The following DOCK8 variants were observed in gnomAD, a reference collection of about 807,000 sequenced individuals.
The protein encoded by DOCK8 is dedicator of cytokinesis 8.
DOCK8 carries 141 observed loss-of-function variants against 245.6 expected under a neutral mutation model. The ratio of observed to expected loss-of-function variants is 0.57; its 90% CI spans 0.50 to 0.66. The LOEUF is 0.66. Among genes scored for constraint, DOCK8 ranks in the 30% least tolerant of loss-of-function variants. The pLI is 0.00. For synonymous variants in DOCK8, 1,168 were observed against 970.2 expected, an observed-to-expected ratio of 1.20 and a Z score of -3.79; for missense variants, 2,965 against 2,603.4, an observed-to-expected ratio of 1.14 and a Z score of -3.02.
rs2053286759 is a variant in DOCK8 at position 371,571 on chromosome 9, G to A, written c.2007+5G>A. The A allele has an allele frequency of 6.2e-7, 1 of 1,614,202 alleles. No individual in the cohort carries two copies. The highest frequency in any genetic ancestry group is 8.5e-7 in the Non-Finnish European group (1 of 1,180,018). On this transcript the variant is annotated splice_donor_5th_base_variant and intron_variant, in intron 17 of 47. Coordinates refer to ENST00000432829, the MANE Select transcript of DOCK8 (RefSeq NM_203447.4). ...GAAACTCTCCTGGGATATTCAGTGAGTTGTTTCCAGCCTGCTGACTCACAC... is the reference window on the plus strand; with the variant it reads ...GAAACTCTCCTGGGATATTCAGTGAATTGTTTCCAGCCTGCTGACTCACAC...
intron 4 of DOCK8, among the ~76,000 whole-genome samples, chr9:298,388 G>T (rs1268998787): frequency 6.6e-6 from 1 of 152,174 alleles, no homozygotes; most frequent in African/African-American, 2.4e-5. Context: ...TCATGCCGCT[G>T]TACTCCAGCC....
At chr9:211,462 A>G (rs925279162), upstream of DOCK8, among the ~76,000 whole-genome samples, 10 of 152,168 alleles carry the variant, frequency 6.6e-5, no homozygotes, top group Non-Finnish European at 1.3e-4. Context: ...AACTTCATCT[A>G]GTGATAGAAA....
intron 1 of DOCK8, chr9:220,767 C>G: frequency 2.6e-6 from 1 of 381,292 alleles, no homozygotes; most frequent in Non-Finnish European, 5.0e-6. Flanking sequence ...GTCGCCCAGG[C>G]TGGAGTACAG....
In DOCK8 at chr9:396,852, C is replaced by G. The variant is rs573522346; in HGVS notation, c.3038C>G (p.Ser1013Cys). 1.2e-6 allele frequency: 2 copies of G among 1,614,142 alleles called. No homozygotes were observed. The highest frequency in any genetic ancestry group is 2.7e-5 in the African/African-American group (2 of 75,040). Residue 1013 changes from serine (S) to cysteine (C), a missense_variant, in exon 25 of 48, where the codon TCT (serine) becomes TGT (cysteine). Ser to Cys is a moderately radical substitution (Grantham distance 112, BLOSUM62 -1). This residue lies in a region of DOCK8 where 2,825 missense variants were observed against 2,453.5 expected (regional missense o/e 1.15). Coordinates refer to ENST00000432829, the MANE Select transcript of DOCK8 (RefSeq NM_203447.4). ...KRDSFRRTRF[S>C]DRFMDDITTI... is the part of the protein sequence containing the mutation. ...GACAGTTTTCGGAGGACTCGTTTTT[C>G]TGACCGTTTCATGGATGACATAACT... is the stretch of plus-strand genomic sequence containing the variant.
At chr9:364,732 A>G (rs932715299) in intron 14 of DOCK8, among the ~76,000 whole-genome samples, 13 of 152,150 alleles carry the variant, frequency 8.5e-5, no homozygotes, top group African/African-American at 2.9e-4. Flanking sequence ...CCTTGGAGCA[A>G]TGATATAGTG....
intron 28 of DOCK8, among the ~76,000 whole-genome samples, chr9:409,330 C>T (rs1361880662): frequency 1.3e-5 from 2 of 152,178 alleles, no homozygotes; most frequent in Non-Finnish European, 2.9e-5. Context: ...AATTGTCTAT[C>T]ATCTTTGTGT....
intron 36 of DOCK8, among the ~76,000 whole-genome samples, chr9:431,098 A>C (rs1284170317): frequency 1.3e-5 from 2 of 151,896 alleles, no homozygotes; most frequent in Non-Finnish European, 2.9e-5. Context: ...GGTCTAGAAC[A>C]CCTGAGCTCA....
chr9:326,261 A>G (rs2050763959), intron 8 of DOCK8, among the ~76,000 whole-genome samples: 1 of 152,204 alleles, frequency 6.6e-6, no homozygotes, highest in African/African-American at 2.4e-5. Flanking sequence ...AGCAATAGCA[A>G]ATCCAGAGTA....
chr9:313,822 C>A (rs1055928345), intron 6 of DOCK8, among the ~76,000 whole-genome samples: 1 of 152,196 alleles, frequency 6.6e-6, no homozygotes, highest in African/African-American at 2.4e-5. Flanking sequence ...TTGATTTAAT[C>A]TTTCTACAAT....
intron 1 of DOCK8, among the ~76,000 whole-genome samples, chr9:244,608 A>G (rs13296492): frequency 0.044 from 6,696 of 152,278 alleles, 172 homozygotes; most frequent in South Asian, 0.079. Context: ...GAATTTTTAG[A>G]TCCCATACAA....
chr9:238,324 A>G (rs1312977058), intron 1 of DOCK8, among the ~76,000 whole-genome samples: 1 of 152,244 alleles, frequency 6.6e-6, no homozygotes, highest in Non-Finnish European at 1.5e-5. Context: ...CACAAATCAA[A>G]GAGTGCTAAA....
At chr9:240,633 A>T (rs1014097680) in intron 1 of DOCK8, among the ~76,000 whole-genome samples, 2 of 152,150 alleles carry the variant, frequency 1.3e-5, no homozygotes, top group Admixed American at 1.3e-4. Context: ...TAAGTCTGAT[A>T]TTTAATTCTC....
chr9:441,522 C>G (rs1379699066), intron 41 of DOCK8, 105 bp downstream of exon 41: 26 of 1,550,280 alleles, frequency 1.7e-5, no homozygotes, highest in Non-Finnish European at 1.9e-5. Context: ...TTATCTTTAG[C>G]ACATTGCTTT....
chr9:341,457 A>C (rs1248607840), intron 14 of DOCK8, among the ~76,000 whole-genome samples: 1 of 152,216 alleles, frequency 6.6e-6, no homozygotes, highest in Non-Finnish European at 1.5e-5. Context: ...ACCATCCAGA[A>C]ATGACATTGT....
chr9:463,784 C>T, intron 47 of DOCK8, 97 bp downstream of exon 47: 1 of 1,440,428 alleles, frequency 6.9e-7, no homozygotes. Context: ...TGGGGAGCTG[C>T]AGAACCTCGA....
At chr9:405,412 A>AGTAAATAAGTTTTGGAAACCAT (rs1467790754) in intron 27 of DOCK8, among the ~76,000 whole-genome samples, 1 of 152,218 alleles carries the variant, frequency 6.6e-6, no homozygotes, top group Non-Finnish European at 1.5e-5. Flanking sequence ...AGGATTCCAA[A>AGTAAATAAGTTTTGGAAACCAT]GTAAATAAGT....
intron 8 of DOCK8, among the ~76,000 whole-genome samples, chr9:326,845 T>A (rs1210431566): frequency 6.6e-6 from 1 of 152,220 alleles, no homozygotes; most frequent in Admixed American, 6.5e-5. Flanking sequence ...TGGAGAGAAT[T>A]GAGTCACATG....
intron 20 of DOCK8, among the ~76,000 whole-genome samples, chr9:379,111 C>T (rs1459918641): frequency 6.6e-6 from 1 of 152,116 alleles, no homozygotes; most frequent in South Asian, 2.1e-4. Context: ...TGGGACAATA[C>T]AATGACTGCC....
intron 15 of DOCK8, chr9:369,445 A>G (rs1036184825): frequency 3.3e-5 from 5 of 152,316 alleles, no homozygotes; most frequent in East Asian, 3.8e-4. Context: ...TCTCTGCACA[A>G]AGGTGAGTGC....
Sources: allele counts gnomAD v4.1 joint callset (sites outside exome capture counted in the v4.1 genomes callset), GRCh38; gene constraint gnomAD v4.1.1; regional missense constraint gnomAD v4.1.1; transcripts MANE v1.5; gene names NCBI Gene and HGNC (gene_info 2026-07-23, HGNC 2026-07-21).